The following KIAA1217 variants were observed in gnomAD, a reference collection of about 807,000 sequenced individuals.
The protein encoded by KIAA1217 is KIAA1217, also known as sickle tail protein homolog.
Under a neutral mutation model 163.9 loss-of-function variants are expected in KIAA1217, and 88 were observed. The observed-to-expected ratio is 0.54, with a 90% confidence interval of 0.45 to 0.64. The LOEUF (loss-of-function observed/expected upper bound fraction) is 0.64, where lower values mean the gene tolerates loss of function less well. Among genes scored for constraint, KIAA1217 ranks in the 30% least tolerant of loss-of-function variants. KIAA1217 has a pLI of 0.00. For missense variants in KIAA1217, 2,372 were observed against 2,475.0 expected (o/e 0.96, Z 0.88); for synonymous variants, 903 against 923.1 (o/e 0.98, Z 0.39).
intron 1 of KIAA1217, among the ~76,000 whole-genome samples, chr10:23,944,126 T>C (rs1429929701): frequency 6.6e-6 from 1 of 152,138 alleles, no homozygotes; most frequent in East Asian, 1.9e-4. Flanking sequence ...TAATGGGCAT[T>C]AATAAATGAA....
chr10:23,790,711 A>ATATGTATG (rs10594361), intron 1 of KIAA1217, among the ~76,000 whole-genome samples: 16 of 140,376 alleles, frequency 1.1e-4, no homozygotes, highest in East Asian at 6.0e-4. Context: ...ACACATATAT[A>ATATGTATG]TATGTATGTA....
chr10:23,830,838 A>G (rs2131038846), intron 1 of KIAA1217, among the ~76,000 whole-genome samples: 1 of 152,108 alleles, frequency 6.6e-6, no homozygotes, highest in Non-Finnish European at 1.5e-5. Flanking sequence ...ACACACACAC[A>G]CACACACACA....
At chr10:24,466,670 T>C (rs1234139520) in intron 5 of KIAA1217, 1 of 985,342 alleles carries the variant, frequency 1.0e-6, no homozygotes, top group Non-Finnish European at 1.2e-6. Flanking sequence ...CTGTCTAAAA[T>C]ATTCAAGTGT....
chr10:24,361,999 A>G (rs896276492), intron 2 of KIAA1217, among the ~76,000 whole-genome samples: 1 of 151,626 alleles, frequency 6.6e-6, no homozygotes, highest in Non-Finnish European at 1.5e-5. Context: ...AAAAAAAAAA[A>G]AAAAAGAAAG....
chr10:23,876,044 C>G (rs1840676760), intron 1 of KIAA1217, among the ~76,000 whole-genome samples: 1 of 151,410 alleles, frequency 6.6e-6, no homozygotes, highest in African/African-American at 2.4e-5. Flanking sequence ...CATATGTATA[C>G]CTATGTAACA....
chr10:23,724,711 A>C (rs1838041652), intron 1 of KIAA1217, among the ~76,000 whole-genome samples: 1 of 152,236 alleles, frequency 6.6e-6, no homozygotes, highest in African/African-American at 2.4e-5. Flanking sequence ...CAGAAAGTCC[A>C]CTACAATCTC....
intron 9 of KIAA1217, among the ~76,000 whole-genome samples, chr10:24,511,499 GGGTGTGGT>G (rs2069162705): frequency 6.6e-6 from 1 of 151,974 alleles, no homozygotes; most frequent in African/African-American, 2.4e-5. Context: ...AAAATTAGCC[GGGTGTGGT>G]GGTGTGGTGG....
chr10:23,783,348 A>T (rs953082459), intron 1 of KIAA1217, among the ~76,000 whole-genome samples: 5 of 152,158 alleles, frequency 3.3e-5, no homozygotes, highest in African/African-American at 1.2e-4. Flanking sequence ...TCATCCTGTT[A>T]ATGTCATATA....
chr10:23,868,881 A>G (rs1276121048), intron 1 of KIAA1217, among the ~76,000 whole-genome samples: 1 of 152,148 alleles, frequency 6.6e-6, no homozygotes, highest in African/African-American at 2.4e-5. Context: ...TCTTTGGAAA[A>G]ACTAGAATGT....
intron 2 of KIAA1217, among the ~76,000 whole-genome samples, chr10:24,231,688 A>T (rs962746350): frequency 1.3e-5 from 2 of 152,228 alleles, no homozygotes; most frequent in Non-Finnish European, 2.9e-5. Context: ...AAGAAAAAAA[A>T]TGAACAGAAA....
At chr10:23,724,350 G>A (rs1425292632) in intron 1 of KIAA1217, among the ~76,000 whole-genome samples, 1 of 151,902 alleles carries the variant, frequency 6.6e-6, no homozygotes, top group Admixed American at 6.6e-5. Flanking sequence ...TCACCTAAAT[G>A]TTTAACTTTG....
chr10:24,104,361 A>G (rs1010437967), intron 2 of KIAA1217, among the ~76,000 whole-genome samples: 3 of 152,230 alleles, frequency 2.0e-5, no homozygotes, highest in African/African-American at 7.2e-5. Context: ...TCAAGCCTTG[A>G]AAAGATATGA....
At chr10:23,983,392 C>A (rs1270417992) in intron 1 of KIAA1217, among the ~76,000 whole-genome samples, 1 of 152,094 alleles carries the variant, frequency 6.6e-6, no homozygotes, top group African/African-American at 2.4e-5. Context: ...TATACAGGAA[C>A]CATAGTGGTT....
intron 2 of KIAA1217, among the ~76,000 whole-genome samples, chr10:24,076,089 C>T (rs576391260): frequency 6.6e-6 from 1 of 152,252 alleles, no homozygotes; most frequent in South Asian, 2.1e-4. Context: ...GCCTGATGAA[C>T]AACCTGTGGG....
chr10:24,194,235 C>T (rs2066869025), intron 2 of KIAA1217, among the ~76,000 whole-genome samples: 1 of 151,278 alleles, frequency 6.6e-6, no homozygotes, highest in African/African-American at 2.4e-5. Flanking sequence ...AAATACATTA[C>T]CAAACCTATG....
chr10:24,369,543 G>A (rs1183847465), intron 2 of KIAA1217, among the ~76,000 whole-genome samples: 1 of 152,134 alleles, frequency 6.6e-6, no homozygotes, highest in Non-Finnish European at 1.5e-5. Context: ...TTAAGTTTTA[G>A]GGGTACGATT....
intron 1 of KIAA1217, among the ~76,000 whole-genome samples, chr10:23,895,990 T>G (rs1041349637): frequency 6.2e-4 from 63 of 102,356 alleles, no homozygotes; most frequent in African/African-American, 2.3e-3. Flanking sequence ...TGGGGACTGT[T>G]GTGGGGTGGG....
At chr10:23,744,135 G>T (rs115926940) in intron 1 of KIAA1217, among the ~76,000 whole-genome samples, 1 of 152,164 alleles carries the variant, frequency 6.6e-6, no homozygotes, top group Non-Finnish European at 1.5e-5. Flanking sequence ...CAGGAAGTTG[G>T]CAACCTTGGA....
chr10:23,723,803 T>C (rs11013661), intron 1 of KIAA1217, among the ~76,000 whole-genome samples: 5,703 of 152,248 alleles, frequency 0.037, 330 homozygotes, highest in African/African-American at 0.13. Flanking sequence ...AATTCATATG[T>C]GACAATAAAT....
Sources: gnomAD v4.1 joint callset for allele counts (sites outside exome capture counted in the v4.1 genomes callset) on GRCh38, gnomAD v4.1.1 for gene constraint, MANE v1.5 for transcripts, NCBI Gene and HGNC (gene_info 2026-07-23, HGNC 2026-07-21) for gene names.